MMP26: variants seen among roughly 807,000 people sequenced by gnomAD.
MMP26 encodes the protein matrix metallopeptidase 26, also known as matrix metalloproteinase-26.
Under a neutral mutation model 31.0 loss-of-function variants are expected in MMP26, and 33 were observed. The observed-to-expected ratio is 1.06, with a 90% confidence interval of 0.81 to 1.42. The LOEUF (loss-of-function observed/expected upper bound fraction) is 1.42. Among genes scored for constraint, MMP26 ranks in the 40% most tolerant of loss-of-function variants. The pLI is 0.00. For missense variants in MMP26, 347 were observed against 316.1 expected (o/e 1.10, Z -0.74); for synonymous variants, 122 against 114.9 (o/e 1.06, Z -0.40).
At chr11:4,947,621 A>G (rs1226291020) in intron 2 of MMP26, 1 of 127,324 alleles carries the variant, frequency 7.9e-6, no homozygotes, top group Non-Finnish European at 1.8e-5. Flanking sequence ...GTATTGTTGA[A>G]CTTGTCCACC....
chr11:4,874,395 T>G lies in MMP26; in HGVS notation c.-145+107054T>G, dbSNP rs541478704. ...TGTCTTTTGTGTGTAGCTCTGGATT[T>G]TGTCTAGTGGCTTTGCTCCTTTCTA... On this transcript the variant is annotated intron_variant, in intron 2 of 7. Transcript: ENST00000380390. Among the ~76,000 whole-genome samples the G allele has an allele frequency of 2.6e-5, 4 of 152,204 alleles. No homozygotes were observed. The East Asian group carries it at 7.7e-4, about 29-fold the overall frequency.
intron 2 of MMP26, chr11:4,943,882 G>T (rs1846254036): frequency 4.5e-6 from 2 of 446,348 alleles, no homozygotes; most frequent in Non-Finnish European, 9.0e-6. Flanking sequence ...AAATACAGAT[G>T]ATCTTTGATA....
At chr11:4,779,233 A>G (rs981743039) in intron 2 of MMP26, among the ~76,000 whole-genome samples, 2 of 152,036 alleles carry the variant, frequency 1.3e-5, no homozygotes, top group African/African-American at 4.8e-5. Flanking sequence ...ATGATTTTTG[A>G]AGAGAAATTT....
At chr11:4,961,479 G>C (rs1199555005) in intron 2 of MMP26, among the ~76,000 whole-genome samples, 1 of 152,100 alleles carries the variant, frequency 6.6e-6, no homozygotes, top group African/African-American at 2.4e-5. Context: ...CAGGTTTCTA[G>C]CTATTCCTTA....
In MMP26 at chr11:4,992,303, A is replaced by G; in HGVS notation, c.*61A>G. On this transcript the variant is annotated 3_prime_UTR_variant, in exon 8 of 8. Transcript: ENST00000380390. ...AGGGAGTTTATTGGAGGATCAAAGA[A>G]CTGAAAGCACTAGAGCAGCCTTGGG... 6.6e-7 allele frequency: 1 copy of G among 1,523,924 alleles called. No homozygotes were observed. The highest frequency in any genetic ancestry group is 1.2e-5 in the South Asian group (1 of 84,844). The allele number at this position is 1,523,924 out of a possible 1,614,324, so 94.4% of individuals were successfully genotyped here.
At chr11:4,803,845 TG>T in intron 2 of MMP26, 1 of 1,612,198 alleles carries the variant, frequency 6.2e-7, no homozygotes, top group Non-Finnish European at 8.5e-7. Context: ...ACAGTATGAC[TG>T]GGGAATGGCT....
intron 2 of MMP26, among the ~76,000 whole-genome samples, chr11:4,896,412 C>T (rs1023539385): frequency 3.3e-5 from 5 of 152,126 alleles, no homozygotes; most frequent in Admixed American, 2.6e-4. Context: ...CAAATGATTT[C>T]CTTGAAACAG....
At chr11:4,879,561 T>C (rs1850429644) in intron 2 of MMP26, among the ~76,000 whole-genome samples, 1 of 152,164 alleles carries the variant, frequency 6.6e-6, no homozygotes, top group African/African-American at 2.4e-5. Flanking sequence ...TGCTAACTTT[T>C]AGACAGCGAA....
intron 2 of MMP26, among the ~76,000 whole-genome samples, chr11:4,857,324 G>A (rs183405210): frequency 0.096 from 14,521 of 151,880 alleles, 883 homozygotes; most frequent in Middle Eastern, 0.18. Flanking sequence ...TTGATAGACT[G>A]CTAGCAAGAC....
intron 2 of MMP26, chr11:4,848,747 CA>C: frequency 1.2e-6 from 2 of 1,613,900 alleles, no homozygotes; most frequent in Non-Finnish European, 1.7e-6. Flanking sequence ...AAGAAATGGC[CA>C]GGCTGATTTT....
At chr11:4,839,369 G>T (rs1451209751) in intron 2 of MMP26, among the ~76,000 whole-genome samples, 1 of 151,776 alleles carries the variant, frequency 6.6e-6, no homozygotes, top group African/African-American at 2.4e-5. Context: ...TGCTAAGGGA[G>T]TGCTGGTATC....
intron 2 of MMP26, among the ~76,000 whole-genome samples, chr11:4,861,160 A>G (rs1445508962): frequency 1.3e-5 from 2 of 149,958 alleles, no homozygotes; most frequent in Admixed American, 6.7e-5. Context: ...AAGTATATAC[A>G]TATAGAAGTA....
intron 2 of MMP26, 119 bp from the exon 3 acceptor site, chr11:4,987,949 T>C (rs930497202): frequency 7.9e-6 from 4 of 504,768 alleles, no homozygotes; most frequent in African/African-American, 7.7e-5. Flanking sequence ...TGACCTGTAT[T>C]TCCTTAACCA....
chr11:4,911,706 C>T (rs1293149288), intron 2 of MMP26, among the ~76,000 whole-genome samples: 1 of 152,096 alleles, frequency 6.6e-6, no homozygotes, highest in East Asian at 1.9e-4. Flanking sequence ...TCAGAAAAGC[C>T]CCTCTTTATA....
At chr11:4,777,482 TATACATAC>T (rs1265382287) in intron 2 of MMP26, among the ~76,000 whole-genome samples, 1 of 152,170 alleles carries the variant, frequency 6.6e-6, no homozygotes, top group African/African-American at 2.4e-5. Context: ...TTTATTGAAG[TATACATAC>T]ATCACAGTAT....
At chr11:4,952,532 G>T in intron 2 of MMP26, among the ~76,000 whole-genome samples, 1 of 125,586 alleles carries the variant, frequency 8.0e-6, no homozygotes, top group East Asian at 2.3e-4. Context: ...GCCCTGATCT[G>T]ATAATAGGAT....
intron 1 of MMP26, among the ~76,000 whole-genome samples, chr11:4,759,662 T>C (rs1021357215): frequency 1.3e-5 from 2 of 152,190 alleles, no homozygotes; most frequent in South Asian, 4.1e-4. Context: ...CTAAAAGAGC[T>C]TAGAACAGAT....
intron 2 of MMP26, among the ~76,000 whole-genome samples, chr11:4,895,199 C>T (rs894639466): frequency 2.6e-5 from 4 of 152,116 alleles, no homozygotes; most frequent in African/African-American, 9.7e-5. Flanking sequence ...TCTAAGGATG[C>T]TTTTCTTAGA....
At chr11:4,903,726 T>C (rs974429862) in intron 2 of MMP26, 4 of 152,278 alleles carry the variant, frequency 2.6e-5, no homozygotes, top group Admixed American at 1.3e-4. Flanking sequence ...AGTAGGTACC[T>C]CTAGATAAAG....
Sources: gnomAD v4.1 joint callset for allele counts (sites outside exome capture counted in the v4.1 genomes callset) on GRCh38, gnomAD v4.1.1 for gene constraint, MANE v1.5 for transcripts, NCBI Gene and HGNC (gene_info 2026-07-23, HGNC 2026-07-21) for gene names.